Variants in RASGRF1 observed in about 807,000 individuals in gnomAD.
RASGRF1 encodes the protein Ras protein specific guanine nucleotide releasing factor 1.
RASGRF1 carries 40 observed loss-of-function variants against 138.7 expected under a neutral mutation model. That is an observed-to-expected ratio of 0.29 (90% CI 0.22 to 0.38). The LOEUF is 0.38. Among genes scored for constraint, RASGRF1 ranks in the 10% least tolerant of loss-of-function variants. RASGRF1 has a pLI of 1.00. For missense variants in RASGRF1, 1,108 were observed against 1,650.4 expected (o/e 0.67, Z 5.69); for synonymous variants, 614 against 663.2 (o/e 0.93, Z 1.14).
intron 2 of RASGRF1, among the ~76,000 whole-genome samples, chr15:79,062,410 T>C (rs1009503708): frequency 6.6e-6 from 1 of 152,218 alleles, no homozygotes; most frequent in African/African-American, 2.4e-5. Context: ...TCCCCTTGTA[T>C]AAAACCCTCA....
At chr15:78,976,325 T>A (rs1044804748) in intron 24 of RASGRF1, among the ~76,000 whole-genome samples, 1 of 152,094 alleles carries the variant, frequency 6.6e-6, no homozygotes, top group Non-Finnish European at 1.5e-5. Context: ...CCTGGCCGCA[T>A]TGGAAGAAGA....
At chr15:78,978,673 C>G (rs1234831777) in intron 24 of RASGRF1, 10 of 1,020,112 alleles carry the variant, frequency 9.8e-6, no homozygotes, top group Non-Finnish European at 1.1e-5. Flanking sequence ...TACTCTTGCC[C>G]CCGTCCCCTG....
Position 78,990,186 on chromosome 15 carries a change from C to T in RASGRF1, c.3216+3G>A, listed in dbSNP as rs1567461304. The T allele has an allele frequency of 6.3e-7, 1 of 1,581,660 alleles. No individual in the cohort carries two copies. The highest frequency in any genetic ancestry group is 2.2e-5 in the East Asian group (1 of 44,746). ...TGAGAGAGGCGCTCCCATCCATACT[C>T]ACGTCATTGAAGTGCTTAGTGGTTT... On this transcript the variant is annotated splice_donor_region_variant and intron_variant, in intron 22 of 26. Transcript: ENST00000558480.
At chr15:78,996,174 A>G (rs1386954561) in intron 19 of RASGRF1, among the ~76,000 whole-genome samples, 1 of 152,236 alleles carries the variant, frequency 6.6e-6, no homozygotes, top group Non-Finnish European at 1.5e-5. Flanking sequence ...GGATGACAGG[A>G]TGCATGACAG....
At position 78,998,641 on chromosome 15, in the gene RASGRF1, G is replaced by C. The variant is rs992200072; in HGVS notation, c.2853+78C>G. Reference sequence around the variant, plus strand: ...CCATCAGCTCACTCTGCCCGCAGCTGCTTTTGGAAGGCAGCTGGTTCCTGG... The same window carrying C: ...CCATCAGCTCACTCTGCCCGCAGCTCCTTTTGGAAGGCAGCTGGTTCCTGG... On this transcript the variant is annotated intron_variant, in intron 18 of 26. Coordinates refer to ENST00000558480, the MANE Select transcript of RASGRF1 (RefSeq NM_001145648.3). The C allele has an allele frequency of 7.9e-6, 10 of 1,263,980 alleles. No homozygotes were observed. The Admixed American group carries it at 1.5e-4, about 19-fold the overall frequency. The allele number at this position is 1,263,980 out of a possible 1,614,324, so 78.3% of individuals were successfully genotyped here.
chr15:79,083,004 C>T (rs548920206), intron 1 of RASGRF1, among the ~76,000 whole-genome samples: 25 of 152,272 alleles, frequency 1.6e-4, no homozygotes, highest in South Asian at 6.2e-4. Flanking sequence ...TTCCAAACAG[C>T]GTGTAGTTTA....
intron 11 of RASGRF1, among the ~76,000 whole-genome samples, chr15:79,019,836 C>T (rs1205579092): frequency 1.3e-5 from 2 of 152,162 alleles, no homozygotes; most frequent in Admixed American, 1.3e-4. Context: ...CTCTCCACAC[C>T]TTATTGGAAG....
At chr15:79,025,823 C>A (rs550371784) in intron 9 of RASGRF1, among the ~76,000 whole-genome samples, 1 of 151,920 alleles carries the variant, frequency 6.6e-6, no homozygotes, top group Admixed American at 6.6e-5. Flanking sequence ...GAGCTGGCTG[C>A]AGGCCCCGAG....
At chr15:78,968,071 TA>T (rs1352030540) in intron 26 of RASGRF1, among the ~76,000 whole-genome samples, 1 of 144,304 alleles carries the variant, frequency 6.9e-6, no homozygotes, top group Non-Finnish European at 1.6e-5. Context: ...AGTCTTATTT[TA>T]TTATTTTTTT....
chr15:79,030,530 CCTT>C (rs2057122196), intron 8 of RASGRF1, among the ~76,000 whole-genome samples: 1 of 152,110 alleles, frequency 6.6e-6, no homozygotes, highest in Non-Finnish European at 1.5e-5. Context: ...TTCCCCAGTC[CCTT>C]CTTGTCATCT....
chr15:79,039,274 G>GCAA (rs1295651220), intron 5 of RASGRF1, among the ~76,000 whole-genome samples: 1 of 136,578 alleles, frequency 7.3e-6, no homozygotes, highest in Non-Finnish European at 1.5e-5. Context: ...TCCAGCCTGG[G>GCAA]CAACAGAGTG....
chr15:79,018,045 G>A lies in RASGRF1; in HGVS notation c.1607-139C>T, dbSNP rs75132634. On this transcript the variant is annotated intron_variant, in intron 11 of 26. Coordinates refer to ENST00000558480, the MANE Select transcript of RASGRF1 (RefSeq NM_001145648.3). ...ACCAGGCCAATTGCTGCTACTTTCA[G>A]AATATTATTTTCCTAAGTGGGAAAT... 4,206 of 1,097,280 alleles carry A rather than the reference G, an allele frequency of 3.8e-3. 161 individuals carry two copies. In the East Asian group the frequency reaches 0.086, roughly 22 times the overall value. 68.0% of individuals were successfully genotyped at this position (1,097,280 alleles called of 1,614,324 possible). A position where few individuals can be genotyped will look rare whatever the true frequency, so the allele number is the denominator to read the frequency against.
intron 25 of RASGRF1, among the ~76,000 whole-genome samples, chr15:78,972,456 CT>C (rs1325413033): frequency 6.6e-6 from 1 of 150,866 alleles, no homozygotes; most frequent in East Asian, 1.9e-4. Flanking sequence ...TGTCAAGACT[CT>C]ATAGGTAAAT....
intron 5 of RASGRF1, among the ~76,000 whole-genome samples, chr15:79,040,300 A>G (rs74027011): frequency 0.023 from 3,556 of 152,052 alleles, 121 homozygotes; most frequent in African/African-American, 0.081. Flanking sequence ...TGTCTGTTGC[A>G]TCTGCCACCC....
intron 8 of RASGRF1, among the ~76,000 whole-genome samples, chr15:79,030,233 T>C (rs1163139124): frequency 6.6e-6 from 1 of 152,132 alleles, no homozygotes; most frequent in Admixed American, 6.5e-5. Flanking sequence ...TCAGGAAGAC[T>C]TTTAGGGCAC....
intron 1 of RASGRF1, among the ~76,000 whole-genome samples, chr15:79,068,140 C>A (rs111577339): frequency 1.3e-5 from 2 of 152,114 alleles, no homozygotes; most frequent in Non-Finnish European, 2.9e-5. Context: ...GTAGGTGGCA[C>A]GACCCCACTT....
chr15:78,961,980 G>A lies in RASGRF1; in HGVS notation c.*164C>T. ...ATGGGTGGGCGAAGTCTGAAACGGT[G>A]CAGAAATTCATATTCCGGTTCTACA... On this transcript the variant is annotated 3_prime_UTR_variant, in exon 27 of 27. Coordinates refer to ENST00000558480, the MANE Select transcript of RASGRF1 (RefSeq NM_001145648.3). 1 of 596,784 alleles carries A rather than the reference G, an allele frequency of 1.7e-6. No individual in the cohort carries two copies. The highest frequency in any genetic ancestry group is 1.9e-5 in the African/African-American group (1 of 53,728). 37.0% of individuals were successfully genotyped at this position (596,784 alleles called of 1,614,324 possible). A position where few individuals can be genotyped will look rare whatever the true frequency, so the allele number is the denominator to read the frequency against.
chr15:79,002,113 T>C (rs1422460126), intron 15 of RASGRF1, among the ~76,000 whole-genome samples: 1 of 152,048 alleles, frequency 6.6e-6, no homozygotes, highest in Non-Finnish European at 1.5e-5. Context: ...TTCTAACAGG[T>C]TCCAGGTGAT....
At chr15:79,049,046 A>G (rs2057392866) in intron 4 of RASGRF1, among the ~76,000 whole-genome samples, 1 of 152,240 alleles carries the variant, frequency 6.6e-6, no homozygotes, top group Middle Eastern at 3.4e-3. Context: ...AAAAGGCTGG[A>G]CTACCGTGCT....
Sources: gnomAD v4.1 joint callset for allele counts (sites outside exome capture counted in the v4.1 genomes callset) on GRCh38, gnomAD v4.1.1 for gene constraint, MANE v1.5 for transcripts, NCBI Gene and HGNC (gene_info 2026-07-23, HGNC 2026-07-21) for gene names.